ABCA12: variants seen among roughly 807,000 people sequenced by gnomAD.
ABCA12 encodes the protein glucosylceramide transporter ABCA12.
ABCA12 carries 156 observed loss-of-function variants against 293.5 expected under a neutral mutation model. That is an observed-to-expected ratio of 0.53 (90% CI 0.47 to 0.61). The LOEUF (loss-of-function observed/expected upper bound fraction) is 0.61, where lower values mean the gene tolerates loss of function less well. ABCA12 is among the 20% of genes least tolerant of loss of function. ABCA12 has a pLI of 0.00. For missense variants in ABCA12, 2,797 were observed against 3,090.2 expected (o/e 0.91, Z 2.25); for synonymous variants, 1,063 against 1,108.0 (o/e 0.96, Z 0.81).
At position 215,026,941 on chromosome 2, in the gene ABCA12, G is replaced by T; in HGVS notation, c.1062-3C>A. 1.3e-6 allele frequency: 2 copies of T among 1,545,502 alleles called. No individual in the cohort carries two copies. The highest frequency in any genetic ancestry group is 1.8e-6 in the Non-Finnish European group (2 of 1,117,916). On this transcript the variant is annotated splice_region_variant and splice_polypyrimidine_tract_variant and intron_variant, in intron 9 of 52. Coordinates refer to ENST00000272895, the MANE Select transcript of ABCA12 (RefSeq NM_173076.3). ...CAAAGTTTTCCAGAATTAGGAGCCT[G>T]CAGAATTAGAAAAGAATATAGAAAT...
intron 45 of ABCA12, among the ~76,000 whole-genome samples, chr2:214,949,369 T>TACACACACAC (rs1476383736): frequency 1.4e-5 from 2 of 143,420 alleles, no homozygotes; most frequent in African/African-American, 5.8e-5. Flanking sequence ...TATATATATA[T>TACACACACAC]ATATATATAC....
chr2:215,037,322 C>T (rs1236582994), intron 7 of ABCA12, among the ~76,000 whole-genome samples: 4 of 152,084 alleles, frequency 2.6e-5, no homozygotes, highest in Admixed American at 1.3e-4. Context: ...AGTAATGGAG[C>T]AAGGTTCCCA....
intron 11 of ABCA12, chr2:215,023,724 G>T (rs986360578): frequency 6.6e-6 from 1 of 152,208 alleles, no homozygotes; most frequent in Admixed American, 6.5e-5. Context: ...GGCTTTAGGG[G>T]TGATGAAAGC....
At chr2:214,989,529 A>G (rs1269605698) in intron 25 of ABCA12, 23 bp downstream of exon 25, 1 of 1,613,918 alleles carries the variant, frequency 6.2e-7, no homozygotes, top group African/African-American at 1.3e-5. Flanking sequence ...GATAAAATCC[A>G]GTTTTAAAGA....
Position 214,983,702 on chromosome 2 carries a change from C to T in ABCA12, c.4327G>A (p.Gly1443Ser), listed in dbSNP as rs1432006234. The T allele has an allele frequency of 6.2e-7, 1 of 1,614,016 alleles. No homozygotes were observed. The highest frequency in any genetic ancestry group is 8.5e-7 in the Non-Finnish European group (1 of 1,180,006). Reference sequence around the variant, plus strand: ...GTCCAGTGAGGAACTTTGATGGAACCATATAGGAGAAGGTGCTCCTTAGTA... The same window carrying T: ...GTCCAGTGAGGAACTTTGATGGAACTATATAGGAGAAGGTGCTCCTTAGTA... ...LTTKEHLLLY[G>S]SIKVPHWTKK... The change falls in exon 29 of 53, where the codon GGT (glycine) becomes AGT (serine). Residue 1443 changes from glycine to serine, a missense_variant. Physicochemically the swap from Gly to Ser is moderately conservative, Grantham distance 56 (BLOSUM62 0). This residue lies in a region of ABCA12 where 2,130 missense variants were observed against 2,427.0 expected (regional missense o/e 0.88). Coordinates refer to ENST00000272895, the MANE Select transcript of ABCA12 (RefSeq NM_173076.3).
At chr2:215,101,033 C>T (rs1038180275) in intron 2 of ABCA12, among the ~76,000 whole-genome samples, 7 of 152,084 alleles carry the variant, frequency 4.6e-5, no homozygotes, top group South Asian at 2.1e-4. Flanking sequence ...TGCTCCTCTT[C>T]GCACCTGTCC....
At chr2:215,131,230 G>T (rs1043006323) in intron 1 of ABCA12, among the ~76,000 whole-genome samples, 1 of 151,816 alleles carries the variant, frequency 6.6e-6, no homozygotes, top group Non-Finnish European at 1.5e-5. Flanking sequence ...GATAAGCATG[G>T]TGATGGTGGA....
chr2:215,024,639 G>A (rs1231306491), intron 11 of ABCA12, among the ~76,000 whole-genome samples: 1 of 152,152 alleles, frequency 6.6e-6, no homozygotes, highest in Non-Finnish European at 1.5e-5. Flanking sequence ...GTAATGGTAA[G>A]TAGTACATTT....
intron 26 of ABCA12, 53 bp from the exon 27 acceptor site, chr2:214,987,846 A>G: frequency 4.4e-6 from 7 of 1,591,110 alleles, no homozygotes; most frequent in Non-Finnish European, 6.0e-6. Flanking sequence ...GTTAACATTT[A>G]TCATCAGAAA....
intron 6 of ABCA12, among the ~76,000 whole-genome samples, chr2:215,046,438 T>C (rs1175445141): frequency 6.7e-6 from 1 of 148,596 alleles, no homozygotes; most frequent in African/African-American, 2.4e-5. Flanking sequence ...AACTAATATA[T>C]AGATTAGTAG....
chr2:215,009,460 A>G (rs1392971310), intron 18 of ABCA12, among the ~76,000 whole-genome samples: 1 of 133,716 alleles, frequency 7.5e-6, no homozygotes, highest in African/African-American at 3.9e-5. Context: ...ACTTAAAATA[A>G]AAGTTAAAAA....
At chr2:215,124,083 T>C (rs59349362) in intron 1 of ABCA12, among the ~76,000 whole-genome samples, 12,442 of 152,192 alleles carry the variant, frequency 0.082, 1,156 homozygotes, top group African/African-American at 0.23. Context: ...TCCAGGTCAC[T>C]GCAAATGCTG....
rs185570595 is a variant in ABCA12, at chr2:215,086,276, C to T, written c.164-22057G>A. ...ATTAACTTTTGTAGTTACTTCTAATCTACAATCCAGAGGCTGTTAGTTAAC... is the reference window on the plus strand; with the variant it reads ...ATTAACTTTTGTAGTTACTTCTAATTTACAATCCAGAGGCTGTTAGTTAAC... On this transcript the variant is annotated intron_variant, in intron 2 of 52. Coordinates refer to ENST00000272895, the MANE Select transcript of ABCA12 (RefSeq NM_173076.3). 2.8e-3 allele frequency among the ~76,000 whole-genome samples: 429 copies of T among 152,312 alleles called. 1 individual carries two copies. The highest frequency in any genetic ancestry group is 3.8e-3 in the Non-Finnish European group (260 of 68,022).
intron 51 of ABCA12, among the ~76,000 whole-genome samples, 157 bp downstream of exon 51, chr2:214,937,353 C>T (rs1698252877): frequency 6.6e-6 from 1 of 152,144 alleles, no homozygotes; most frequent in South Asian, 2.1e-4. Flanking sequence ...CATGTGCCAC[C>T]ATGCCCAGCT....
intron 2 of ABCA12, among the ~76,000 whole-genome samples, chr2:215,079,868 C>G (rs1701903671): frequency 6.6e-6 from 1 of 152,130 alleles, no homozygotes; most frequent in African/African-American, 2.4e-5. Context: ...ACATAAAAAG[C>G]TGAAAAGAAA....
chr2:215,059,782 G>A (rs1701492421), intron 3 of ABCA12, among the ~76,000 whole-genome samples: 1 of 151,962 alleles, frequency 6.6e-6, no homozygotes, highest in Non-Finnish European at 1.5e-5. Context: ...GAAACAAGCA[G>A]ATTAATTTGG....
At chr2:214,989,286 G>A (rs746370793) in intron 26 of ABCA12, 43 bp downstream of exon 26, 1 of 1,599,186 alleles carries the variant, frequency 6.3e-7, no homozygotes, top group South Asian at 1.1e-5. Context: ...TTATATTGAA[G>A]TCAACCATAA....
At chr2:215,081,938 T>A (rs1229773864) in intron 2 of ABCA12, among the ~76,000 whole-genome samples, 1 of 152,144 alleles carries the variant, frequency 6.6e-6, no homozygotes, top group East Asian at 1.9e-4. Flanking sequence ...TTGGAATTAT[T>A]CTTATTAATA....
rs565925354 is a variant in ABCA12, at chr2:215,096,571, C to T, written c.163+15026G>A. The stretch of plus-strand genomic sequence containing the variant: ...TTTTATTTCAAACCATTCCTTTGTC[C>T]CCCAAATCCAGTCTCTACCATATTC... On this transcript the variant is annotated intron_variant, in intron 2 of 52. Transcript: ENST00000272895. Among the ~76,000 whole-genome samples the T allele has an allele frequency of 3.3e-5, 5 of 152,282 alleles. No homozygotes were observed. In the South Asian group the frequency reaches 1.0e-3, roughly 32 times the overall value.
Sources: gnomAD v4.1 joint callset for allele counts (sites outside exome capture counted in the v4.1 genomes callset) on GRCh38, gnomAD v4.1.1 for gene constraint, gnomAD v4.1.1 regional missense constraint, MANE v1.5 for transcripts, NCBI Gene and HGNC (gene_info 2026-07-23, HGNC 2026-07-21) for gene names.